The following TBC1D22A variants were observed in gnomAD, a reference collection of about 807,000 sequenced individuals.
TBC1D22A encodes the protein putative GTPase activator.
In TBC1D22A, 38 loss-of-function variants were observed where a neutral mutation model predicts 60.2. That is an observed-to-expected ratio of 0.63 (90% CI 0.49 to 0.83). The LOEUF (loss-of-function observed/expected upper bound fraction) is 0.83, where lower values mean the gene tolerates loss of function less well. Among genes scored for constraint, TBC1D22A ranks in the 40% least tolerant of loss-of-function variants. The pLI, the probability that TBC1D22A is intolerant of heterozygous loss-of-function variation, is 0.00. For synonymous variants in TBC1D22A, 302 were observed against 281.7 expected (o/e 1.07, Z -0.72); for missense variants, 628 against 701.0 (o/e 0.90, Z 1.18).
chr22:47,049,604 T>C (rs1233317200), intron 11 of TBC1D22A, among the ~76,000 whole-genome samples: 3 of 152,238 alleles, frequency 2.0e-5, no homozygotes, highest in African/African-American at 7.2e-5. Context: ...CAGGTGTTAG[T>C]GTCTCTTTTC....
chr22:47,171,844 C>T (rs17222768), intron 12 of TBC1D22A, among the ~76,000 whole-genome samples: 49,948 of 152,042 alleles, frequency 0.33, 11,087 homozygotes, highest in African/African-American at 0.62. Flanking sequence ...GCATCCCGGC[C>T]TCCAGACCAT....
At chr22:47,014,181 T>C (rs1291891438) in intron 10 of TBC1D22A, among the ~76,000 whole-genome samples, 1 of 152,218 alleles carries the variant, frequency 6.6e-6, no homozygotes, top group Admixed American at 6.5e-5. Flanking sequence ...ACCCCTGGCT[T>C]TCTGCAGCGG....
intron 11 of TBC1D22A, among the ~76,000 whole-genome samples, chr22:47,064,855 T>C (rs1376399349): frequency 1.3e-5 from 2 of 152,278 alleles, no homozygotes; most frequent in Non-Finnish European, 2.9e-5. Flanking sequence ...CAAGTGTCTT[T>C]AGTTTCTTCT....
intron 4 of TBC1D22A, among the ~76,000 whole-genome samples, chr22:46,846,366 G>A (rs147252383): frequency 1.0e-3 from 155 of 152,262 alleles, no homozygotes; most frequent in Middle Eastern, 3.4e-3. Flanking sequence ...TATGCTTTCC[G>A]TCTTTGAAGA....
chr22:46,874,877 T>G (rs897838322), intron 4 of TBC1D22A, among the ~76,000 whole-genome samples: 36 of 152,198 alleles, frequency 2.4e-4, no homozygotes, highest in African/African-American at 8.2e-4. Flanking sequence ...CCTGGCCTTT[T>G]GAAAAGTGTC....
At position 46,825,448 on chromosome 22, in the gene TBC1D22A, C is replaced by A. The variant is rs576861900; in HGVS notation, c.637+27828C>A. Among the ~76,000 whole-genome samples, 4 of 152,254 alleles carry A rather than the reference C, an allele frequency of 2.6e-5. No individual in the cohort carries two copies. The East Asian group carries it at 7.7e-4, about 29-fold the overall frequency. ...CTCCCTTCATATGAATTATATAATA[C>A]CCACTTGCCAAAAAAGATTACAGTG... is the stretch of plus-strand genomic sequence containing the variant. On this transcript the variant is annotated intron_variant, in intron 4 of 12. Transcript: ENST00000337137.
chr22:47,020,432 G>C (rs1251826724), intron 10 of TBC1D22A, among the ~76,000 whole-genome samples: 1 of 152,180 alleles, frequency 6.6e-6, no homozygotes, highest in Non-Finnish European at 1.5e-5. Flanking sequence ...CTGCAGATGG[G>C]ATGACTCGTT....
chr22:46,970,893 C>T (rs2074021471), intron 8 of TBC1D22A, among the ~76,000 whole-genome samples: 1 of 152,144 alleles, frequency 6.6e-6, no homozygotes, highest in African/African-American at 2.4e-5. Context: ...CAGGCTATCT[C>T]CCCAGGGGCC....
chr22:46,916,954 AGT>A (rs2070407636), intron 8 of TBC1D22A, among the ~76,000 whole-genome samples: 1 of 152,140 alleles, frequency 6.6e-6, no homozygotes, highest in Non-Finnish European at 1.5e-5. Flanking sequence ...AGCCTTAGGG[AGT>A]GGGGAAGAAA....
At position 46,810,090 on chromosome 22, in the gene TBC1D22A, G is replaced by A. The variant is rs555467151; in HGVS notation, c.637+12470G>A. Among the ~76,000 whole-genome samples, 499 of 152,242 alleles carry A rather than the reference G, an allele frequency of 3.3e-3. 3 individuals carry two copies. Among genetic ancestry groups the A allele is most frequent in the African/African-American group, 0.011 (463 of 41,532 alleles). ...TTCAAAATGTGTCACATCAGCTCACGCATACAGAAGTGATGTTCCTGGGTG... is the reference window on the plus strand; with the variant it reads ...TTCAAAATGTGTCACATCAGCTCACACATACAGAAGTGATGTTCCTGGGTG... On this transcript the variant is annotated intron_variant, in intron 4 of 12. Coordinates refer to ENST00000337137, the MANE Select transcript of TBC1D22A (RefSeq NM_014346.5).
chr22:46,841,197 G>A (rs1414430296), intron 4 of TBC1D22A, among the ~76,000 whole-genome samples: 1 of 152,196 alleles, frequency 6.6e-6, no homozygotes, highest in Non-Finnish European at 1.5e-5. Context: ...GGGCCTATAG[G>A]AGGTGATGTG....
intron 12 of TBC1D22A, among the ~76,000 whole-genome samples, chr22:47,133,392 G>A (rs1457430961): frequency 6.6e-6 from 1 of 152,168 alleles, no homozygotes; most frequent in Non-Finnish European, 1.5e-5. Flanking sequence ...TGAGAGGAAC[G>A]TGAGCCACCC....
At chr22:47,061,645 C>G (rs1270223267) in intron 11 of TBC1D22A, among the ~76,000 whole-genome samples, 1 of 152,148 alleles carries the variant, frequency 6.6e-6, no homozygotes, top group Non-Finnish European at 1.5e-5. Context: ...CCCCTTTTCA[C>G]CTGACTCCTT....
chr22:46,871,747 C>T (rs529127641), intron 4 of TBC1D22A, among the ~76,000 whole-genome samples: 56 of 152,058 alleles, frequency 3.7e-4, no homozygotes, highest in African/African-American at 1.4e-3. Context: ...TAAAGGTTTC[C>T]AATCCATATT....
At chr22:46,906,900 A>G (rs954156792) in intron 7 of TBC1D22A, among the ~76,000 whole-genome samples, 1 of 151,158 alleles carries the variant, frequency 6.6e-6, no homozygotes, top group African/African-American at 2.4e-5. Context: ...GCGTGTGTAT[A>G]TGTGCGCATG....
At chr22:46,981,609 C>T (rs1483959403) in intron 9 of TBC1D22A, among the ~76,000 whole-genome samples, 2 of 152,176 alleles carry the variant, frequency 1.3e-5, no homozygotes, top group East Asian at 3.9e-4. Context: ...GGGGCTCTTC[C>T]CCCACTTTGC....
chr22:47,056,060 G>T (rs947195186), intron 11 of TBC1D22A, among the ~76,000 whole-genome samples: 4 of 152,130 alleles, frequency 2.6e-5, no homozygotes, highest in Non-Finnish European at 5.9e-5. Context: ...CTTGAGTTAG[G>T]TGTCCCGTGC....
chr22:46,774,267 T>G (rs1259878581), intron 1 of TBC1D22A: 1 of 985,372 alleles, frequency 1.0e-6, no homozygotes, highest in Admixed American at 6.1e-5. Flanking sequence ...CCCCCTGGTG[T>G]TCTCTTTGCA....
chr22:46,818,486 C>T (rs1427621490), intron 4 of TBC1D22A, among the ~76,000 whole-genome samples: 6 of 152,192 alleles, frequency 3.9e-5, no homozygotes, highest in Non-Finnish European at 5.9e-5. Context: ...GTTTTCCCAG[C>T]ACCATTTACT....
Sources: gnomAD v4.1 joint callset for allele counts (sites outside exome capture counted in the v4.1 genomes callset) on GRCh38, gnomAD v4.1.1 for gene constraint, MANE v1.5 for transcripts, NCBI Gene and HGNC (gene_info 2026-07-23, HGNC 2026-07-21) for gene names.